Variants in EYS observed in about 807,000 individuals in gnomAD.
EYS encodes the protein EGF-like photoreceptor maintenance factor, also known as protein eyes shut homolog.
Under a neutral mutation model 282.1 loss-of-function variants are expected in EYS, and 250 were observed. The ratio of observed to expected loss-of-function variants is 0.89; its 90% CI spans 0.80 to 0.98. EYS has a LOEUF of 0.98. EYS is among the 50% of genes least tolerant of loss of function. EYS has a pLI of 0.00. For missense variants in EYS, 4,016 were observed against 3,709.0 expected (o/e 1.08, Z -2.15); for synonymous variants, 1,355 against 1,282.9 (o/e 1.06, Z -1.20).
At position 65,265,443 on chromosome 6, in the gene EYS, C is replaced by T. The variant is rs545701006; in HGVS notation, c.2023+30420G>A. 4.6e-5 allele frequency among the ~76,000 whole-genome samples: 7 copies of T among 152,024 alleles called. No homozygotes were observed. In the East Asian group the frequency reaches 5.8e-4, roughly 13 times the overall value. On this transcript the variant is annotated intron_variant, in intron 12 of 42. Coordinates refer to ENST00000503581, the MANE Select transcript of EYS (RefSeq NM_001142800.2). Reference sequence around the variant, plus strand: ...TCTGTGACTTTTCTACAACTCTGAACGTGATTCCTAAGAGAAGTGAGTAGA... The same window carrying T: ...TCTGTGACTTTTCTACAACTCTGAATGTGATTCCTAAGAGAAGTGAGTAGA...
intron 29 of EYS, among the ~76,000 whole-genome samples, chr6:64,344,437 A>G (rs1212061258): frequency 6.6e-6 from 1 of 152,068 alleles, no homozygotes; most frequent in African/African-American, 2.4e-5. Flanking sequence ...CAGCATATAA[A>G]CAGAACCAAA....
chr6:64,657,674 A>G (rs1768802501), intron 22 of EYS, among the ~76,000 whole-genome samples: 3 of 152,252 alleles, frequency 2.0e-5, no homozygotes, highest in South Asian at 2.1e-4. Context: ...AGAATGTTGA[A>G]TATTGGCCCC....
intron 12 of EYS, among the ~76,000 whole-genome samples, chr6:65,060,880 A>C (rs1218239043): frequency 6.6e-6 from 1 of 151,480 alleles, no homozygotes; most frequent in African/African-American, 2.4e-5. Flanking sequence ...GGCTCTTAGA[A>C]TAGCTACTGT....
At chr6:64,674,715 A>G (rs551086743) in intron 22 of EYS, among the ~76,000 whole-genome samples, 8 of 148,324 alleles carry the variant, frequency 5.4e-5, no homozygotes, top group Non-Finnish European at 1.0e-4. Context: ...TATGCCTCTA[A>G]CATTTCTGTC....
At chr6:64,800,990 CT>C (rs1400801917) in intron 22 of EYS, among the ~76,000 whole-genome samples, 3 of 151,960 alleles carry the variant, frequency 2.0e-5, no homozygotes, top group Non-Finnish European at 4.4e-5. Flanking sequence ...TTTTACGCCC[CT>C]CTCATCTGAA....
In EYS at chr6:63,874,311, G is replaced by A. The variant is rs545640206; in HGVS notation, c.7056-9953C>T. ...TCAAAGATCAGATGGTTGTAGATGC[G>A]TGCTATTATTTCTGAGGGCTCTGTT... On this transcript the variant is annotated intron_variant, in intron 35 of 42. Transcript: ENST00000503581. Among the ~76,000 whole-genome samples the A allele has an allele frequency of 2.7e-3, 418 of 152,208 alleles. 2 individuals are homozygous for A. The highest frequency in any genetic ancestry group is 4.8e-3 in the Non-Finnish European group (324 of 68,008).
At chr6:63,999,284 T>C (rs1458094768) in intron 33 of EYS, 101 bp from the exon 34 acceptor site, 2 of 763,624 alleles carry the variant, frequency 2.6e-6, no homozygotes, top group Non-Finnish European at 4.6e-6. Flanking sequence ...AGAGAGGTAC[T>C]TTCTGGATCA....
At position 65,052,024 on chromosome 6, in the gene EYS, A is replaced by T. The variant is rs181178236; in HGVS notation, c.2137+5590T>A. ...CAATTTTGTCAGGAACAACATTTAC[A>T]TGGTAGGCAGTTATCTTCTCTTTAC... On this transcript the variant is annotated intron_variant, in intron 13 of 42. Coordinates refer to ENST00000503581, the MANE Select transcript of EYS (RefSeq NM_001142800.2). 1.4e-3 allele frequency among the ~76,000 whole-genome samples: 210 copies of T among 151,662 alleles called. 1 individual carries two copies. The highest frequency in any genetic ancestry group is 2.3e-3 in the Non-Finnish European group (154 of 67,650).
chr6:64,569,913 C>T (rs1765672402), intron 26 of EYS, among the ~76,000 whole-genome samples: 1 of 152,072 alleles, frequency 6.6e-6, no homozygotes, highest in Non-Finnish European at 1.5e-5. Context: ...CAAGACAGTC[C>T]AACATTCAAA....
chr6:64,742,362 A>G (rs1317445457), intron 22 of EYS, among the ~76,000 whole-genome samples: 1 of 152,194 alleles, frequency 6.6e-6, no homozygotes, highest in Admixed American at 6.5e-5. Context: ...TCACTGTAAC[A>G]GATTTAATGA....
At chr6:64,978,951 G>T (rs1041591866) in intron 14 of EYS, among the ~76,000 whole-genome samples, 1 of 151,870 alleles carries the variant, frequency 6.6e-6, no homozygotes, top group African/African-American at 2.4e-5. Flanking sequence ...TCTTGAAATG[G>T]AATCTACTTC....
rs756068592 is a variant in EYS, at chr6:64,886,727, ATCCATCAGT to A, written c.2953_2961del (p.Thr985_Gly987del). The A allele has an allele frequency of 5.2e-5, 80 of 1,546,522 alleles. 1 individual carries two copies. In the East Asian group the frequency reaches 1.8e-3, roughly 34 times the overall value. ...TAACCAGGGGCACAGAGGCAGTTGT[ATCCATCAGT>A]CCTGTAGACACAATTTTCTTCATCT... On this transcript the variant is annotated inframe_deletion, in exon 19 of 43. Coordinates refer to ENST00000503581, the MANE Select transcript of EYS (RefSeq NM_001142800.2).
At chr6:65,361,437 G>A (rs1255904692) in intron 8 of EYS, among the ~76,000 whole-genome samples, 1 of 151,696 alleles carries the variant, frequency 6.6e-6, no homozygotes, top group African/African-American at 2.4e-5. Flanking sequence ...GTGACTGACA[G>A]GAATTTCTTT....
chr6:64,251,000 G>A (rs1413844945), intron 30 of EYS, among the ~76,000 whole-genome samples: 1 of 152,086 alleles, frequency 6.6e-6, no homozygotes, highest in Admixed American at 6.6e-5. Flanking sequence ...GGAAAGGACA[G>A]TTCATAGATT....
At chr6:65,532,487 A>T (rs1420828235) in intron 2 of EYS, among the ~76,000 whole-genome samples, 2 of 152,178 alleles carry the variant, frequency 1.3e-5, no homozygotes, top group Non-Finnish European at 1.5e-5. Context: ...AGATCAAAAC[A>T]TTATTACAGC....
At chr6:64,029,802 C>G (rs535187448) in intron 33 of EYS, among the ~76,000 whole-genome samples, 1 of 152,144 alleles carries the variant, frequency 6.6e-6, no homozygotes, top group Non-Finnish European at 1.5e-5. Context: ...GGCACTTACC[C>G]GAGCCTTAGA....
At chr6:64,249,399 G>A (rs1435434730) in intron 30 of EYS, among the ~76,000 whole-genome samples, 1 of 152,058 alleles carries the variant, frequency 6.6e-6, no homozygotes, top group Non-Finnish European at 1.5e-5. Flanking sequence ...AGTTGGAGGG[G>A]GGTGGATGAT....
intron 33 of EYS, among the ~76,000 whole-genome samples, chr6:64,019,145 A>T (rs1435977304): frequency 6.6e-6 from 1 of 152,126 alleles, no homozygotes. Flanking sequence ...GGTAATGTGA[A>T]GATAGCAACA....
At chr6:65,296,397 T>A (rs1455192350) in intron 11 of EYS, among the ~76,000 whole-genome samples, 1 of 151,880 alleles carries the variant, frequency 6.6e-6, no homozygotes, top group Non-Finnish European at 1.5e-5. Context: ...TGGGATAACA[T>A]CATGAACTCT....
Sources: allele counts gnomAD v4.1 joint callset (sites outside exome capture counted in the v4.1 genomes callset), GRCh38; gene constraint gnomAD v4.1.1; transcripts MANE v1.5; gene names NCBI Gene and HGNC (gene_info 2026-07-23, HGNC 2026-07-21).